The following PRELID2 variants were observed in gnomAD, a reference collection of about 807,000 sequenced individuals.
PRELID2 encodes PRELI domain-containing protein 2.
In PRELID2, 25 loss-of-function variants were observed where a neutral mutation model predicts 28.4. The ratio of observed to expected loss-of-function variants is 0.88; its 90% CI spans 0.64 to 1.23. The LOEUF (loss-of-function observed/expected upper bound fraction) is 1.23. Among genes scored for constraint, PRELID2 ranks in the 50% most tolerant of loss-of-function variants. The probability of loss-of-function intolerance (pLI) is 0.00; values close to 1 mark genes in which losing one functional copy is unlikely to be tolerated. For missense variants in PRELID2, 201 were observed against 214.4 expected (o/e 0.94, Z 0.39); for synonymous variants, 76 against 71.6 (o/e 1.06, Z -0.31).
chr5:145,651,464 G>C (rs1581028277), intron 1 of PRELID2, among the ~76,000 whole-genome samples: 1 of 152,140 alleles, frequency 6.6e-6, no homozygotes, highest in East Asian at 1.9e-4. Context: ...GCCTCCTCAA[G>C]TGGGTCCCTG....
chr5:145,384,144 C>T, the PRELID2 span, among the ~76,000 whole-genome samples: 34 of 152,060 alleles, frequency 2.2e-4, no homozygotes, highest in Non-Finnish European at 4.1e-4. Flanking sequence ...ATAAGCTACA[C>T]GAGACTGACA....
At chr5:145,416,305 A>G in the PRELID2 span, among the ~76,000 whole-genome samples, 2 of 152,150 alleles carry the variant, frequency 1.3e-5, no homozygotes, top group Non-Finnish European at 2.9e-5. Context: ...ACCTAAAACC[A>G]TAAAAACCCT....
At chr5:145,712,449 A>C (rs1399603635) in intron 1 of PRELID2, among the ~76,000 whole-genome samples, 1 of 152,194 alleles carries the variant, frequency 6.6e-6, no homozygotes, top group Admixed American at 6.5e-5. Context: ...CAAATGCTGT[A>C]AGCCAAGACT....
chr5:145,623,810 TC>T (rs1753807148), intron 1 of PRELID2, among the ~76,000 whole-genome samples: 1 of 152,170 alleles, frequency 6.6e-6, no homozygotes, highest in African/African-American at 2.4e-5. Context: ...CCAACAGCGC[TC>T]CCCAACTCTC....
chr5:145,812,704 AAAGT>A (rs1391573351), intron 4 of PRELID2, among the ~76,000 whole-genome samples: 1 of 152,218 alleles, frequency 6.6e-6, no homozygotes, highest in Admixed American at 6.5e-5. Flanking sequence ...GAGGAGGGAT[AAAGT>A]AAGTACAGGA....
intron 1 of PRELID2, among the ~76,000 whole-genome samples, chr5:145,610,105 C>T (rs1424089672): frequency 6.6e-6 from 1 of 152,188 alleles, no homozygotes; most frequent in Non-Finnish European, 1.5e-5. Context: ...TGATAGGGTG[C>T]AGCGGGCCCA....
chr5:145,698,173 C>T (rs2149700910), intron 1 of PRELID2, among the ~76,000 whole-genome samples: 2 of 152,216 alleles, frequency 1.3e-5, no homozygotes, highest in Middle Eastern at 6.8e-3. Context: ...CATAAAACCT[C>T]ATATATTTAT....
chr5:145,732,223 C>T (rs1406561819), intron 1 of PRELID2, among the ~76,000 whole-genome samples: 1 of 152,174 alleles, frequency 6.6e-6, no homozygotes, highest in African/African-American at 2.4e-5. Context: ...GAATCTAGAA[C>T]CATTGCTTAC....
At chr5:145,483,931 C>G (rs1752189576) in intron 1 of PRELID2, among the ~76,000 whole-genome samples, 1 of 152,206 alleles carries the variant, frequency 6.6e-6, no homozygotes, top group African/African-American at 2.4e-5. Context: ...AAAATGAGCA[C>G]TGTACCTGAC....
chr5:145,468,158 C>T (rs956274942), downstream of PRELID2, among the ~76,000 whole-genome samples: 5 of 152,076 alleles, frequency 3.3e-5, no homozygotes, highest in African/African-American at 1.2e-4. Context: ...TGAGTGAGAA[C>T]ATGTGGTGTT....
intron 1 of PRELID2, among the ~76,000 whole-genome samples, chr5:145,722,310 T>A (rs1411757237): frequency 6.6e-6 from 1 of 152,078 alleles, no homozygotes; most frequent in Non-Finnish European, 1.5e-5. Context: ...TAATTTGGGA[T>A]TTTTTCTGAG....
chr5:145,582,677 C>G (rs1580984202), intron 1 of PRELID2, among the ~76,000 whole-genome samples: 1 of 152,136 alleles, frequency 6.6e-6, no homozygotes, highest in East Asian at 1.9e-4. Flanking sequence ...CCTCTATGCA[C>G]AGAAACTAGC....
At chr5:145,311,429 A>G in the PRELID2 span, among the ~76,000 whole-genome samples, 1 of 152,140 alleles carries the variant, frequency 6.6e-6, no homozygotes, top group Non-Finnish European at 1.5e-5. Flanking sequence ...CTCACATTTT[A>G]TCTTACCCTA....
At chr5:145,516,568 T>C (rs1467167618) in intron 1 of PRELID2, among the ~76,000 whole-genome samples, 1 of 152,194 alleles carries the variant, frequency 6.6e-6, no homozygotes, top group African/African-American at 2.4e-5. Flanking sequence ...TTGCCCAAAG[T>C]AATTTATAGA....
chr5:145,816,728 AATCT>A (rs1266077560), intron 4 of PRELID2, among the ~76,000 whole-genome samples: 3 of 152,144 alleles, frequency 2.0e-5, no homozygotes, highest in Admixed American at 6.5e-5. Flanking sequence ...AACTGTTTTA[AATCT>A]ATCTAAAATG....
At chr5:145,273,784 C>T in the PRELID2 span, among the ~76,000 whole-genome samples, 1 of 152,038 alleles carries the variant, frequency 6.6e-6, no homozygotes, top group Admixed American at 6.6e-5. Context: ...CCTATTGTAT[C>T]CTGGGAAATT....
At chr5:145,465,208 A>G in the PRELID2 span, among the ~76,000 whole-genome samples, 1 of 152,132 alleles carries the variant, frequency 6.6e-6, no homozygotes, top group African/African-American at 2.4e-5. Context: ...AGCAGCATGC[A>G]CATCAGAATC....
chr5:145,785,359 T>C (rs2149801059), intron 5 of PRELID2, among the ~76,000 whole-genome samples: 1 of 152,336 alleles, frequency 6.6e-6, no homozygotes, highest in East Asian at 1.9e-4. Flanking sequence ...CACTGAACAA[T>C]CTTTCTAAAG....
intron 1 of PRELID2, among the ~76,000 whole-genome samples, chr5:145,580,802 C>T (rs942890170): frequency 2.0e-5 from 3 of 151,954 alleles, no homozygotes; most frequent in Non-Finnish European, 4.4e-5. Flanking sequence ...AGGATATCCA[C>T]CCGAAGATAA....
Sources: allele counts gnomAD v4.1 joint callset (sites outside exome capture counted in the v4.1 genomes callset), GRCh38; gene constraint gnomAD v4.1.1; transcripts MANE v1.5; gene names NCBI Gene and HGNC (gene_info 2026-07-23, HGNC 2026-07-21).